B4GALT5: variants seen among roughly 807,000 people sequenced by gnomAD.
The protein encoded by B4GALT5 is beta-1,4-galactosyltransferase 5.
Under a neutral mutation model 45.0 loss-of-function variants are expected in B4GALT5, and 11 were observed. The observed-to-expected ratio is 0.24, with a 90% CI of 0.15 to 0.40. B4GALT5 has a LOEUF of 0.40. B4GALT5 is among the 10% of genes least tolerant of loss of function. The probability of loss-of-function intolerance (pLI) is 1.00; values close to 1 mark genes in which losing one functional copy is unlikely to be tolerated. For missense variants in B4GALT5, 337 were observed against 500.2 expected (o/e 0.67, Z 3.11); for synonymous variants, 185 against 182.9 (o/e 1.01, Z -0.09).
chr20:49,706,683 G>C (rs937975853), intron 1 of B4GALT5, among the ~76,000 whole-genome samples: 19 of 152,130 alleles, frequency 1.2e-4, no homozygotes, highest in Admixed American at 1.0e-3. Context: ...TTTCCCCACA[G>C]TGCACATAGG....
chr20:49,685,617 T>C (rs2085781976), intron 1 of B4GALT5, among the ~76,000 whole-genome samples: 1 of 152,154 alleles, frequency 6.6e-6, no homozygotes, highest in Admixed American at 6.5e-5. Context: ...TTGTCTCCTA[T>C]AGCTGTCTAT....
chr20:49,655,103 C>T (rs6122805), intron 2 of B4GALT5, among the ~76,000 whole-genome samples: 2,429 of 151,726 alleles, frequency 0.016, 38 homozygotes, highest in East Asian at 0.082. Flanking sequence ...TGCACTCCAG[C>T]CTGGGAGACA....
chr20:49,683,314 T>A lies in B4GALT5; in HGVS notation c.116-26612A>T, dbSNP rs916700511. ...TCTGGTTTTCCTTTTATCTTTAAGC[T>A]GAATAAATTGTCAGGTAAATGGTTT... On this transcript the variant is annotated intron_variant, in intron 1 of 8. Transcript: ENST00000371711. 2.0e-5 allele frequency among the ~76,000 whole-genome samples: 3 copies of A among 152,086 alleles called. No homozygotes were observed. In the East Asian group the frequency reaches 5.8e-4, roughly 29 times the overall value.
chr20:49,694,501 T>C (rs1165076962), intron 1 of B4GALT5, among the ~76,000 whole-genome samples: 1 of 151,748 alleles, frequency 6.6e-6, no homozygotes, highest in Non-Finnish European at 1.5e-5. Context: ...AAAAATTTTT[T>C]AAAAAGTAGC....
At position 49,635,959 on chromosome 20, in the gene B4GALT5, C is replaced by A. The variant is rs1028659735; in HGVS notation, c.*353G>T. 9.0e-6 allele frequency: 2 copies of A among 222,398 alleles called. No homozygotes were observed. The highest frequency in any genetic ancestry group is 1.8e-5 in the Non-Finnish European group (2 of 112,794). 13.8% of individuals were successfully genotyped at this position (222,398 alleles called of 1,614,324 possible). A position where few individuals can be genotyped will look rare whatever the true frequency, so the allele number is the denominator to read the frequency against. ...TGTAGGGACAGGCTCCACGGCAGGA[C>A]CACGGCAGGACCACGGCAGATCACA... On this transcript the variant is annotated 3_prime_UTR_variant, in exon 9 of 9. Transcript: ENST00000371711.
At chr20:49,649,847 C>A (rs1439107367) in intron 2 of B4GALT5, among the ~76,000 whole-genome samples, 2 of 152,174 alleles carry the variant, frequency 1.3e-5, no homozygotes, top group Middle Eastern at 3.4e-3. Context: ...TGTGATACGC[C>A]CATGTGTGGC....
chr20:49,644,072 C>T (rs951694314), intron 3 of B4GALT5, among the ~76,000 whole-genome samples: 1 of 151,732 alleles, frequency 6.6e-6, no homozygotes, highest in Non-Finnish European at 1.5e-5. Flanking sequence ...CGGTTACAGG[C>T]ATATGCCACC....
intron 1 of B4GALT5, among the ~76,000 whole-genome samples, chr20:49,663,363 G>T (rs1266092537): frequency 6.6e-6 from 1 of 151,314 alleles, no homozygotes; most frequent in Admixed American, 6.6e-5. Flanking sequence ...AAAATAAGGT[G>T]AGCAAAACCC....
At chr20:49,656,528 G>C (rs772437736) in intron 2 of B4GALT5, 40 bp downstream of exon 2, 1 of 1,609,132 alleles carries the variant, frequency 6.2e-7, no homozygotes, top group Admixed American at 1.7e-5. Flanking sequence ...CTCTTGGGAG[G>C]AGACATTCTA....
At chr20:49,668,750 G>A (rs965694158) in intron 1 of B4GALT5, among the ~76,000 whole-genome samples, 6 of 151,744 alleles carry the variant, frequency 4.0e-5, no homozygotes, top group Non-Finnish European at 5.9e-5. Context: ...ATCTCTGTCC[G>A]TCACCGCCCC....
intron 2 of B4GALT5, among the ~76,000 whole-genome samples, chr20:49,653,398 A>AC (rs1846423345): frequency 6.6e-6 from 1 of 152,220 alleles, no homozygotes; most frequent in Non-Finnish European, 1.5e-5. Context: ...AACACTTAAG[A>AC]CGTGCTTTCT....
chr20:49,691,540 C>CCAAA (rs2085812263), intron 1 of B4GALT5, among the ~76,000 whole-genome samples: 2 of 151,910 alleles, frequency 1.3e-5, no homozygotes, highest in South Asian at 4.2e-4. Context: ...AACCCACACG[C>CCAAA]CAAAACATGT....
At chr20:49,707,717 T>C (rs2085890212) in intron 1 of B4GALT5, among the ~76,000 whole-genome samples, 1 of 152,080 alleles carries the variant, frequency 6.6e-6, no homozygotes, top group Admixed American at 6.5e-5. Flanking sequence ...CAGGCTCAGG[T>C]GATCTTCTGA....
chr20:49,711,148 G>A (rs1403322969), intron 1 of B4GALT5, among the ~76,000 whole-genome samples: 1 of 150,224 alleles, frequency 6.7e-6, no homozygotes, highest in African/African-American at 2.4e-5. Context: ...TTTTTTTATT[G>A]TTCCCCTTTC....
intron 6 of B4GALT5, 127 bp downstream of exon 6, chr20:49,640,351 A>G (rs181005624): frequency 3.9e-6 from 3 of 773,940 alleles, no homozygotes; most frequent in Non-Finnish European, 5.9e-6. Context: ...TTGTATGGAT[A>G]CACACATTTT....
Position 49,642,586 on chromosome 20 carries a change from T to C in B4GALT5, c.490-2A>G. 6.2e-7 allele frequency: 1 copy of C among 1,606,148 alleles called. No homozygotes were observed. ...CCGGAAGGGGATAAGGATCGCCACC[T>C]GGAGTGGATTACAGCAAAAGAAGCA... On this transcript the variant is annotated splice_acceptor_variant, in intron 4 of 8. Transcript: ENST00000371711. LOFTEE classifies it high-confidence loss of function.
Position 49,634,275 on chromosome 20 carries a change from T to C in B4GALT5, c.*2037A>G, listed in dbSNP as rs1428111087. ...ATCATATGTCCACAGAACCATCACA[T>C]GCAACGAAAAAAGCCCTAACCCACA... On this transcript the variant is annotated 3_prime_UTR_variant, in exon 9 of 9. Coordinates refer to ENST00000371711, the MANE Select transcript of B4GALT5 (RefSeq NM_004776.4). 1 of 152,046 alleles carries C rather than the reference T, an allele frequency of 6.6e-6. No homozygotes were observed. Among genetic ancestry groups the C allele is most frequent in the East Asian group, 1.9e-4 (1 of 5,166 alleles). The allele number at this position is 152,046 out of a possible 1,614,324, so 9.4% of individuals were successfully genotyped here. A position where few individuals can be genotyped will look rare whatever the true frequency, so the allele number is the denominator to read the frequency against.
Position 49,682,651 on chromosome 20 carries a change from C to T in B4GALT5, c.116-25949G>A, listed in dbSNP as rs111429810. ...ATTGCAAAATTTCCTCTCTCTACTC[C>T]CTGCAAAGCATCCACTTTCCTCTGC... On this transcript the variant is annotated intron_variant, in intron 1 of 8. Transcript: ENST00000371711. Among the ~76,000 whole-genome samples, 646 of 152,262 alleles carry T rather than the reference C, an allele frequency of 4.2e-3. 6 individuals carry two copies. The highest frequency in any genetic ancestry group is 0.015 in the African/African-American group (619 of 41,538).
chr20:49,670,271 C>T (rs1415378278), intron 1 of B4GALT5, among the ~76,000 whole-genome samples: 2 of 152,160 alleles, frequency 1.3e-5, no homozygotes, highest in African/African-American at 4.8e-5. Flanking sequence ...GAAAAAAGTT[C>T]TGCTATATCT....
Sources: gnomAD v4.1 joint callset for allele counts (sites outside exome capture counted in the v4.1 genomes callset) on GRCh38, gnomAD v4.1.1 for gene constraint, MANE v1.5 for transcripts, NCBI Gene and HGNC (gene_info 2026-07-23, HGNC 2026-07-21) for gene names.